The following RASSF9 variants were observed in gnomAD, a reference collection of about 807,000 sequenced individuals.
RASSF9 encodes the protein Ras association domain family member 9, also known as ras association domain-containing protein 9.
In RASSF9, 18 loss-of-function variants were observed where a neutral mutation model predicts 21.4. The observed-to-expected ratio is 0.84, with a 90% CI of 0.58 to 1.25. The LOEUF is 1.25. Among genes scored for constraint, RASSF9 ranks in the 50% most tolerant of loss-of-function variants. RASSF9 has a pLI of 0.00. For synonymous variants in RASSF9, 183 were observed against 179.1 expected, an observed-to-expected ratio of 1.02 and a Z score of -0.18; for missense variants, 480 against 503.2, an observed-to-expected ratio of 0.95 and a Z score of 0.44.
In RASSF9 at chr12:85,802,874, A is replaced by T. The variant is rs537012053; in HGVS notation, c.*1828T>A. ...CTTTCCTTTCACAGATGACTATTCA[A>T]TTTTATCTTTTTTAAAAAAATGTAA... On this transcript the variant is annotated 3_prime_UTR_variant, in exon 2 of 2. Transcript: ENST00000361228. The T allele has an allele frequency of 6.6e-6, 1 of 152,214 alleles. No individual in the cohort carries two copies. The highest frequency in any genetic ancestry group is 2.4e-5 in the African/African-American group (1 of 41,542). The allele number at this position is 152,214 out of a possible 1,614,324, so 9.4% of individuals were successfully genotyped here. A position where few individuals can be genotyped will look rare whatever the true frequency, so the allele number is the denominator to read the frequency against.
chr12:85,823,872 G>A (rs866106474), intron 1 of RASSF9, among the ~76,000 whole-genome samples: 2 of 152,138 alleles, frequency 1.3e-5, no homozygotes, highest in Non-Finnish European at 2.9e-5. Flanking sequence ...CAGAATTATG[G>A]AAAATAATAA....
Position 85,805,889 on chromosome 12 carries a change from A to G in RASSF9, c.121T>C (p.Cys41Arg). The change falls in exon 2 of 2, where the codon TGT (cysteine) becomes CGT (arginine). Residue 41 changes from cysteine to arginine, a missense_variant. By Grantham distance (180) the Cys-to-Arg change is radical. Coordinates refer to ENST00000361228, the MANE Select transcript of RASSF9 (RefSeq NM_005447.4). Reference sequence around the variant, plus strand: ...GAGGTGGTGCGTTTAGTCAGCCCACAGACAAGCTTCTCTTCTTGGCAAACC... The same window carrying G: ...GAGGTGGTGCGTTTAGTCAGCCCACGGACAAGCTTCTCTTCTTGGCAAACC... The part of the protein sequence containing the change: ...VWVCQEEKLV[C>R]GLTKRTTSAD... The G allele has an allele frequency of 6.2e-7, 1 of 1,614,024 alleles. No homozygotes were observed. Among genetic ancestry groups the G allele is most frequent in the Non-Finnish European group, 8.5e-7 (1 of 1,179,880 alleles).
chr12:85,804,965 ATGAGTCACTGT>A lies in RASSF9; in HGVS notation c.1034_1044del (p.Tyr345PhefsTer10). 6.2e-7 allele frequency: 1 copy of A among 1,613,900 alleles called. No homozygotes were observed. The highest frequency in any genetic ancestry group is 8.5e-7 in the Non-Finnish European group (1 of 1,179,794). Reference sequence around the variant, plus strand: ...TATTCTTTTGCTTTCATCTGAAGCAATGAGTCACTGTATTTAATCTCTTTCTGGATGCCACT... The same window carrying A: ...TATTCTTTTGCTTTCATCTGAAGCAAATTTAATCTCTTTCTGGATGCCACT... On this transcript the variant is annotated frameshift_variant, in exon 2 of 2. Transcript: ENST00000361228. LOFTEE classifies it high-confidence loss of function.
intron 1 of RASSF9, among the ~76,000 whole-genome samples, chr12:85,830,703 C>A (rs1159251547): frequency 6.6e-6 from 1 of 152,058 alleles, no homozygotes; most frequent in Non-Finnish European, 1.5e-5. Context: ...CTTGAAATAT[C>A]TTGTTTATTA....
Position 85,805,446 on chromosome 12 carries a change from A to T in RASSF9, c.564T>A (p.His188Gln). The T allele has an allele frequency of 6.2e-7, 1 of 1,613,986 alleles. No homozygotes were observed. Among genetic ancestry groups the T allele is most frequent in the Non-Finnish European group, 8.5e-7 (1 of 1,179,884 alleles). The change falls in exon 2 of 2, where the codon CAT (histidine) becomes CAA (glutamine). Residue 188 changes from histidine to glutamine, a missense_variant. Coordinates refer to ENST00000361228, the MANE Select transcript of RASSF9 (RefSeq NM_005447.4). ...TAGTATGGTCCTGGGAAATGATCAG[A>T]TGAACTAATGTCTCCATATTATCTC... ...HDRDNMETLV[H>Q]LIISQDHTIH... is the part of the protein sequence containing the mutation.
At chr12:85,820,029 T>G (rs1435820888) in intron 1 of RASSF9, among the ~76,000 whole-genome samples, 1 of 152,208 alleles carries the variant, frequency 6.6e-6, no homozygotes, top group African/African-American at 2.4e-5. Flanking sequence ...ATTTGGAAAT[T>G]ATTTGGCTAC....
chr12:85,805,217 C>A lies in RASSF9; in HGVS notation c.793G>T (p.Gly265Ter), dbSNP rs770022969. ...QTLEDLSESD[G>*]IEQLEERLKY... is the part of the protein sequence containing the mutation. Reference sequence around the variant, plus strand: ...AGTCGTTCTTCCAGCTGTTCAATTCCATCACTTTCGCTCAGGTCCTCCAGA... The same window carrying A: ...AGTCGTTCTTCCAGCTGTTCAATTCAATCACTTTCGCTCAGGTCCTCCAGA... Residue 265 changes from glycine (G) to a stop codon, truncating the protein, a stop_gained, in exon 2 of 2, where the codon GGA becomes TGA. Coordinates refer to ENST00000361228, the MANE Select transcript of RASSF9 (RefSeq NM_005447.4). LOFTEE classifies it high-confidence loss of function. 2.5e-5 allele frequency: 40 copies of A among 1,613,664 alleles called. No individual in the cohort carries two copies. The highest frequency in any genetic ancestry group is 3.1e-5 in the Non-Finnish European group (37 of 1,179,880).
chr12:85,808,570 CAAGT>C (rs1242187254), intron 1 of RASSF9, among the ~76,000 whole-genome samples: 2 of 151,994 alleles, frequency 1.3e-5, no homozygotes, highest in African/African-American at 2.4e-5. Flanking sequence ...TAAACAAAAA[CAAGT>C]AAGTTCTTTA....
At chr12:85,825,582 A>G (rs1384391610) in intron 1 of RASSF9, among the ~76,000 whole-genome samples, 1 of 152,208 alleles carries the variant, frequency 6.6e-6, no homozygotes, top group African/African-American at 2.4e-5. Flanking sequence ...AGATAGAGAC[A>G]TTATGACTGG....
intron 1 of RASSF9, among the ~76,000 whole-genome samples, chr12:85,827,549 A>G (rs972942501): frequency 5.3e-5 from 8 of 152,176 alleles, no homozygotes; most frequent in African/African-American, 1.2e-4. Context: ...TTAAAGTACA[A>G]TCAACATCCC....
intron 1 of RASSF9, among the ~76,000 whole-genome samples, chr12:85,819,018 A>G (rs1880149873): frequency 6.6e-6 from 1 of 151,012 alleles, no homozygotes; most frequent in African/African-American, 2.4e-5. Context: ...TGTGGTGAAC[A>G]CCGGAATAAA....
chr12:85,804,871 T>C lies in RASSF9; in HGVS notation c.1139A>G (p.Asn380Ser), dbSNP rs751383187. 1 of 1,613,750 alleles carries C rather than the reference T, an allele frequency of 6.2e-7. No homozygotes were observed. The highest frequency in any genetic ancestry group is 1.1e-5 in the South Asian group (1 of 91,074). ...SNKDGCQLKE[N>S]RAKESEVPSS... Reference sequence around the variant, plus strand: ...GGGAACCTCAGATTCCTTCGCTCTGTTTTCCTTTAACTGGCACCCATCTTT... The same window carrying C: ...GGGAACCTCAGATTCCTTCGCTCTGCTTTCCTTTAACTGGCACCCATCTTT... Residue 380 changes from asparagine (N) to serine (S), a missense_variant, in exon 2 of 2, where the codon AAC becomes AGC. Coordinates refer to ENST00000361228, the MANE Select transcript of RASSF9 (RefSeq NM_005447.4).
chr12:85,830,116 C>G (rs561274758), intron 1 of RASSF9, among the ~76,000 whole-genome samples: 7 of 152,248 alleles, frequency 4.6e-5, no homozygotes, highest in African/African-American at 1.4e-4. Flanking sequence ...GCTCCACATT[C>G]AACAGTGAGG....
rs753386694 is a variant in RASSF9, at chr12:85,805,364, C to CTTTCCATTT, written c.645_646insAAATGGAAA (p.Glu215_Ala216insLysTrpLys). 1.7e-5 allele frequency: 28 copies of CTTTCCATTT among 1,613,142 alleles called. No individual in the cohort carries two copies. Among genetic ancestry groups the CTTTCCATTT allele is most frequent in the East Asian group, 4.5e-5 (2 of 44,862 alleles). On this transcript the variant is annotated inframe_insertion, in exon 2 of 2. Coordinates refer to ENST00000361228, the MANE Select transcript of RASSF9 (RefSeq NM_005447.4). ...TCTACTCGATCAAGATGGAACTTAGCTTCACACTTTTCAATTTCCAGATCC... is the reference window on the plus strand; with the variant it reads ...TCTACTCGATCAAGATGGAACTTAGCTTTCCATTTTTCACACTTTTCAATTTCCAGATCC...
chr12:85,834,705 T>C (rs549180112), intron 1 of RASSF9, among the ~76,000 whole-genome samples: 2 of 152,238 alleles, frequency 1.3e-5, no homozygotes, highest in East Asian at 3.9e-4. Flanking sequence ...AGTATTTTTA[T>C]ACATTTGATG....
At chr12:85,826,998 T>C (rs1428515044) in intron 1 of RASSF9, among the ~76,000 whole-genome samples, 1 of 152,206 alleles carries the variant, frequency 6.6e-6, no homozygotes, top group Admixed American at 6.5e-5. Flanking sequence ...TATATTCTAA[T>C]CTTCCCTCTC....
chr12:85,817,601 T>C (rs911115096), intron 1 of RASSF9, among the ~76,000 whole-genome samples: 6 of 152,020 alleles, frequency 3.9e-5, no homozygotes, highest in African/African-American at 1.2e-4. Context: ...TACCTCCAAA[T>C]ACATTGTTCA....
At position 85,818,842 on chromosome 12, in the gene RASSF9, C is replaced by T. The variant is rs998347383; in HGVS notation, c.48-12880G>A. Among the ~76,000 whole-genome samples, 3 of 151,686 alleles carry T rather than the reference C, an allele frequency of 2.0e-5. No individual in the cohort carries two copies. In the South Asian group the frequency reaches 6.2e-4, roughly 32 times the overall value. ...GGCGTGGTGGCGGGCGCCTGTAGTC[C>T]CAGCTACTCTGGAGGCAGAGGCAGG... is the stretch of plus-strand genomic sequence containing the variant. On this transcript the variant is annotated intron_variant, in intron 1 of 1. Coordinates refer to ENST00000361228, the MANE Select transcript of RASSF9 (RefSeq NM_005447.4).
At position 85,806,002 on chromosome 12, in the gene RASSF9, C is replaced by A. The variant is rs764222271; in HGVS notation, c.48-40G>T. The A allele has an allele frequency of 3.2e-6, 5 of 1,546,054 alleles. No homozygotes were observed. In the East Asian group the frequency reaches 1.1e-4, roughly 35 times the overall value. On this transcript the variant is annotated intron_variant, in intron 1 of 1. Transcript: ENST00000361228. ...AAAGCACATTATATTTCTGTCATTGCCTGTGTAAACTCAGAAAGATGGTTT... is the reference window on the plus strand; with the variant it reads ...AAAGCACATTATATTTCTGTCATTGACTGTGTAAACTCAGAAAGATGGTTT...
Sources: gnomAD v4.1 joint callset for allele counts (sites outside exome capture counted in the v4.1 genomes callset) on GRCh38, gnomAD v4.1.1 for gene constraint, MANE v1.5 for transcripts, NCBI Gene and HGNC (gene_info 2026-07-23, HGNC 2026-07-21) for gene names.